The following CNTN5 variants were observed in gnomAD, a reference collection of about 807,000 sequenced individuals.
CNTN5 encodes contactin 5.
A neutral mutation model predicts 129.1 loss-of-function variants in CNTN5; 77 were observed. That is an observed-to-expected ratio of 0.60 (90% CI 0.50 to 0.72). CNTN5 has a LOEUF of 0.72. Ranked by LOEUF, CNTN5 falls within the 30% of genes least tolerant of loss-of-function variation. CNTN5 has a pLI of 0.00. For missense variants in CNTN5, 1,478 were observed against 1,328.8 expected, an observed-to-expected ratio of 1.11 and a Z score of -1.75; for synonymous variants, 509 against 465.6, an observed-to-expected ratio of 1.09 and a Z score of -1.20.
intron 3 of CNTN5, among the ~76,000 whole-genome samples, chr11:99,711,307 G>A (rs1326338533): frequency 6.6e-6 from 1 of 151,840 alleles, no homozygotes. Flanking sequence ...ACACATAACT[G>A]TTAAGTGGTG....
At chr11:99,639,646 C>T (rs1229097811) in intron 3 of CNTN5, among the ~76,000 whole-genome samples, 5 of 131,816 alleles carry the variant, frequency 3.8e-5, no homozygotes, top group African/African-American at 5.7e-5. Flanking sequence ...CTCACTGAGG[C>T]CTCTGCCTCC....
intron 15 of CNTN5, among the ~76,000 whole-genome samples, chr11:100,196,809 T>G (rs746339423): frequency 5.3e-5 from 8 of 151,862 alleles, no homozygotes; most frequent in Non-Finnish European, 1.2e-4. Context: ...TCCAAATCCT[T>G]TTTTTTGGCA....
chr11:99,893,815 A>C (rs1330725080), intron 6 of CNTN5, among the ~76,000 whole-genome samples: 2 of 152,200 alleles, frequency 1.3e-5, no homozygotes, highest in Non-Finnish European at 2.9e-5. Flanking sequence ...GTATATATTA[A>C]CATAAGCATA....
chr11:100,010,929 G>A (rs2137521583), intron 9 of CNTN5, among the ~76,000 whole-genome samples: 1 of 152,126 alleles, frequency 6.6e-6, no homozygotes. Context: ...CTTTCAGTGT[G>A]ACCACCTACA....
intron 1 of CNTN5, among the ~76,000 whole-genome samples, chr11:99,288,784 C>A (rs1239049988): frequency 1.3e-5 from 2 of 151,850 alleles, no homozygotes; most frequent in South Asian, 2.1e-4. Context: ...ATAAAATGAA[C>A]TATTATTTTG....
intron 14 of CNTN5, among the ~76,000 whole-genome samples, chr11:100,192,812 A>T (rs933566837): frequency 6.6e-6 from 1 of 151,940 alleles, no homozygotes; most frequent in Non-Finnish European, 1.5e-5. Flanking sequence ...AAACATAAAC[A>T]TTGTTTTCTA....
intron 2 of CNTN5, among the ~76,000 whole-genome samples, chr11:99,325,746 A>T (rs959737552): frequency 6.6e-6 from 1 of 152,160 alleles, no homozygotes; most frequent in Non-Finnish European, 1.5e-5. Context: ...CTAATTTTTT[A>T]GTTTGATATG....
chr11:99,099,099 T>C (rs369876364), intron 1 of CNTN5, among the ~76,000 whole-genome samples: 2 of 152,092 alleles, frequency 1.3e-5, no homozygotes, highest in East Asian at 3.9e-4. Flanking sequence ...AAGTAGAGAA[T>C]AGGAATTGTG....
chr11:100,168,692 A>T (rs1947729362), intron 13 of CNTN5, among the ~76,000 whole-genome samples: 2 of 152,034 alleles, frequency 1.3e-5, no homozygotes, highest in Admixed American at 1.3e-4. Flanking sequence ...CACAACATTA[A>T]TTCTGCAGCC....
At chr11:100,001,544 G>A (rs1396012997) in intron 8 of CNTN5, among the ~76,000 whole-genome samples, 2 of 152,146 alleles carry the variant, frequency 1.3e-5, no homozygotes, top group Non-Finnish European at 2.9e-5. Flanking sequence ...TGTACAGTAT[G>A]TTGTTTCTCT....
intron 23 of CNTN5, among the ~76,000 whole-genome samples, chr11:100,345,296 C>T (rs917570003): frequency 2.6e-5 from 4 of 152,038 alleles, no homozygotes; most frequent in Admixed American, 2.0e-4. Flanking sequence ...TGGCAGAAGG[C>T]GGAAGTGCAA....
chr11:99,820,345 T>A (rs1946758665), intron 4 of CNTN5, among the ~76,000 whole-genome samples: 1 of 152,298 alleles, frequency 6.6e-6, no homozygotes, highest in African/African-American at 2.4e-5. Flanking sequence ...GTGGTTTTAT[T>A]TCTGGAAGTG....
chr11:99,036,242 T>C (rs908835049), intron 1 of CNTN5, among the ~76,000 whole-genome samples: 2 of 152,306 alleles, frequency 1.3e-5, no homozygotes, highest in South Asian at 2.1e-4. Flanking sequence ...TGTTCTCATT[T>C]ATAATTCTTA....
intron 1 of CNTN5, among the ~76,000 whole-genome samples, chr11:99,253,624 A>T (rs1862225582): frequency 6.6e-6 from 1 of 151,528 alleles, no homozygotes; most frequent in Non-Finnish European, 1.5e-5. Context: ...TAGATAATTG[A>T]CTCTTCCCAC....
intron 13 of CNTN5, among the ~76,000 whole-genome samples, chr11:100,143,502 G>T (rs1471634785): frequency 1.3e-5 from 2 of 151,940 alleles, no homozygotes; most frequent in African/African-American, 4.8e-5. Flanking sequence ...TTTTCTCTTG[G>T]GTCAGATTTT....
At chr11:99,531,125 T>G (rs570672218) in intron 2 of CNTN5, among the ~76,000 whole-genome samples, 2 of 152,222 alleles carry the variant, frequency 1.3e-5, no homozygotes, top group African/African-American at 4.8e-5. Context: ...AAAATGCTGA[T>G]AGGGATATGG....
chr11:99,045,646 G>T (rs879722373), intron 1 of CNTN5, among the ~76,000 whole-genome samples: 5 of 152,044 alleles, frequency 3.3e-5, no homozygotes, highest in Non-Finnish European at 5.9e-5. Context: ...ATATATCTCA[G>T]GATTATTGCC....
At chr11:99,842,319 C>T (rs1375203028) in intron 4 of CNTN5, among the ~76,000 whole-genome samples, 1 of 152,164 alleles carries the variant, frequency 6.6e-6, no homozygotes, top group Non-Finnish European at 1.5e-5. Flanking sequence ...AAGTATTCAG[C>T]ATAATGTCTG....
intron 2 of CNTN5, among the ~76,000 whole-genome samples, chr11:99,354,381 C>A (rs184155614): frequency 1.5e-4 from 23 of 152,176 alleles, no homozygotes; most frequent in Non-Finnish European, 2.9e-4. Flanking sequence ...GTTCCCGGGA[C>A]CTTGTTTAGA....
Sources: allele counts gnomAD v4.1 joint callset (sites outside exome capture counted in the v4.1 genomes callset), GRCh38; gene constraint gnomAD v4.1.1; transcripts MANE v1.5; gene names NCBI Gene and HGNC (gene_info 2026-07-23, HGNC 2026-07-21).